The following PLEKHH1 variants were observed in gnomAD, a reference collection of about 807,000 sequenced individuals.
The protein encoded by PLEKHH1 is pleckstrin homology, MyTH4 and FERM domain containing H1.
In PLEKHH1, 104 loss-of-function variants were observed where a neutral mutation model predicts 160.0. The ratio of observed to expected loss-of-function variants is 0.65; its 90% CI spans 0.55 to 0.76. PLEKHH1 has a LOEUF of 0.76. PLEKHH1 is among the 30% of genes least tolerant of loss of function. The pLI is 0.00. For synonymous variants in PLEKHH1, 619 were observed against 678.4 expected (o/e 0.91, Z 1.36); for missense variants, 1,427 against 1,724.1 (o/e 0.83, Z 3.05).
chr14:67,570,861 C>G (rs2035338688), intron 9 of PLEKHH1: 1 of 152,248 alleles, frequency 6.6e-6, no homozygotes, highest in African/African-American at 2.4e-5. Context: ...ATAGCTGGAA[C>G]TACAGGCGCG....
At chr14:67,575,369 G>T in intron 14 of PLEKHH1, 23 bp from the exon 15 acceptor site, 1 of 1,474,282 alleles carries the variant, frequency 6.8e-7, no homozygotes, top group South Asian at 1.2e-5. Flanking sequence ...TTCTCATAAT[G>T]CCAGTTCATT....
At chr14:67,572,438 A>T (rs1181586855) in intron 11 of PLEKHH1, among the ~76,000 whole-genome samples, 161 bp downstream of exon 11, 1 of 152,040 alleles carries the variant, frequency 6.6e-6, no homozygotes, top group Non-Finnish European at 1.5e-5. Flanking sequence ...ACAGTTATGG[A>T]GTCAGACACA....
rs147895150 is a variant in PLEKHH1, at chr14:67,546,696, C to T, written c.126+4703C>T. On this transcript the variant is annotated intron_variant, in intron 2 of 28. Transcript: ENST00000329153. ...TGAGCCACCGTGCCCAGGCAGCAGA[C>T]ACATGTTTTTAAAAAATTATTCTCA... is the stretch of plus-strand genomic sequence containing the variant. Among the ~76,000 whole-genome samples the T allele has an allele frequency of 4.4e-3, 674 of 152,246 alleles. 18 individuals carry two copies. In the East Asian group the frequency reaches 0.062, roughly 14 times the overall value.
chr14:67,584,110 CTT>C lies in PLEKHH1; in HGVS notation c.3689_3690del (p.Phe1230CysfsTer21). 3.7e-6 allele frequency: 6 copies of C among 1,613,548 alleles called. No individual in the cohort carries two copies. Among genetic ancestry groups the C allele is most frequent in the Non-Finnish European group, 5.1e-6 (6 of 1,179,866 alleles). On this transcript the variant is annotated frameshift_variant, in exon 26 of 29. Transcript: ENST00000329153. LOFTEE classifies it high-confidence loss of function. ...ARKWPFFGAK[L>X]FAAQPAQLSS... ...GAAATGGCCTTTCTTTGGTGCTAAA[CTT>C]TTTGCTGCTCAGGTAAGTGCCAGTG...
At position 67,584,064 on chromosome 14, in the gene PLEKHH1, C is replaced by T; in HGVS notation, c.3639C>T (p.Arg1213=). The T allele has an allele frequency of 6.2e-7, 1 of 1,613,978 alleles. No individual in the cohort carries two copies. Among genetic ancestry groups the T allele is most frequent in the Non-Finnish European group, 8.5e-7 (1 of 1,179,842 alleles). Residue 1213 remains arginine (R), a synonymous_variant, in exon 26 of 29, where the codon CGC becomes CGT. Coordinates refer to ENST00000329153, the MANE Select transcript of PLEKHH1 (RefSeq NM_020715.3). ...GATGCTCCCCTCCTGAGTGCATCCG[C>T]ATCTACCTGACCGTGGCCAGGAAAT... ...LQGCSPPECI[R]IYLTVARKWP... is the part of the protein sequence containing the mutation.
rs1464747348 is a variant in PLEKHH1 at position 67,573,597 on chromosome 14, G to T, written c.1840-204G>T. Among the ~76,000 whole-genome samples, 1 of 152,196 alleles carries T rather than the reference G, an allele frequency of 6.6e-6. No individual in the cohort carries two copies. Among genetic ancestry groups the T allele is most frequent in the Non-Finnish European group, 1.5e-5 (1 of 68,038 alleles). ...GTGAGTTTCAGAATGAAATAGGGAG[G>T]TTCTCAGAAGGACCCATGTTCCTGA... On this transcript the variant is annotated intron_variant, in intron 12 of 28. Transcript: ENST00000329153. This position sits in a 1 kb window ranked among gnomAD's most constrained non-coding sequence, Gnocchi z 4.8.
intron 2 of PLEKHH1, among the ~76,000 whole-genome samples, chr14:67,544,495 A>G (rs2034100698): frequency 6.6e-6 from 1 of 152,252 alleles, no homozygotes. Context: ...ACTTGAGGAA[A>G]TAATCTACAA....
intron 11 of PLEKHH1, 32 bp downstream of exon 11, chr14:67,572,309 A>T: frequency 6.5e-7 from 1 of 1,539,862 alleles, no homozygotes. Flanking sequence ...GGCAGGGTGG[A>T]AGCAGAATGC....
chr14:67,583,990 A>C lies in PLEKHH1; in HGVS notation c.3570-5A>C, dbSNP rs760353097. 1.7e-5 allele frequency: 27 copies of C among 1,613,874 alleles called. No individual in the cohort carries two copies. Among genetic ancestry groups the C allele is most frequent in the Admixed American group, 5.0e-5 (3 of 60,004 alleles). On this transcript the variant is annotated splice_polypyrimidine_tract_variant and splice_region_variant and intron_variant, in intron 25 of 28. Coordinates refer to ENST00000329153, the MANE Select transcript of PLEKHH1 (RefSeq NM_020715.3). ...GCACTATTTCTCTCCATCTGCCCAC[A>C]CCAGGCACCTGGCAGATATGTTGAC...
intron 2 of PLEKHH1, among the ~76,000 whole-genome samples, chr14:67,545,759 T>C (rs1258467095): frequency 6.6e-6 from 1 of 152,190 alleles, no homozygotes; most frequent in Non-Finnish European, 1.5e-5. Flanking sequence ...GTAAGATCAG[T>C]AAATCTCAAA....
intron 2 of PLEKHH1, among the ~76,000 whole-genome samples, chr14:67,554,195 C>T (rs1424017599): frequency 6.6e-6 from 1 of 152,210 alleles, no homozygotes; most frequent in Non-Finnish European, 1.5e-5. Context: ...CTACTGCTTC[C>T]ATGTAACTTT....
In PLEKHH1 at chr14:67,569,176, GCT is replaced by G; in HGVS notation, c.1306_1307del (p.Ser436ArgfsTer7). The G allele has an allele frequency of 4.3e-6, 7 of 1,613,182 alleles. No homozygotes were observed. Among genetic ancestry groups the G allele is most frequent in the Non-Finnish European group, 5.9e-6 (7 of 1,179,322 alleles). ...ATGCTGTGGCCACATCGGGCATGCG[GCT>G]CTCAGATATGTCTCCCAGAAGTAAT... ...IYAVATSGMRLSDMSPRSNTA... is the reference protein window; with the variant it reads ...IYAVATSGMRXSDMSPRSNTA... On this transcript the variant is annotated frameshift_variant, in exon 8 of 29. Transcript: ENST00000329153. LOFTEE classifies it high-confidence loss of function.
chr14:67,587,441 G>T lies in PLEKHH1; in HGVS notation c.*206G>T. ...CAACTTTTTAAAATCCAGACCCAGT[G>T]TTAAAACCATTTATTCCTTTTTTCA... is the stretch of plus-strand genomic sequence containing the variant. On this transcript the variant is annotated 3_prime_UTR_variant, in exon 29 of 29. Coordinates refer to ENST00000329153, the MANE Select transcript of PLEKHH1 (RefSeq NM_020715.3). 2 of 609,774 alleles carry T rather than the reference G, an allele frequency of 3.3e-6. No individual in the cohort carries two copies. The highest frequency in any genetic ancestry group is 5.8e-6 in the Non-Finnish European group (2 of 345,290). The allele number at this position is 609,774 out of a possible 1,614,324, so 37.8% of individuals were successfully genotyped here. A position where few individuals can be genotyped will look rare whatever the true frequency, so the allele number is the denominator to read the frequency against.
chr14:67,568,009 C>T (rs930242278), intron 7 of PLEKHH1, among the ~76,000 whole-genome samples: 3 of 152,200 alleles, frequency 2.0e-5, no homozygotes, highest in South Asian at 2.1e-4. Context: ...CCCCTCAGGA[C>T]GGGCATTCTC....
chr14:67,568,548 T>C (rs2035218225), intron 7 of PLEKHH1, among the ~76,000 whole-genome samples: 1 of 151,692 alleles, frequency 6.6e-6, no homozygotes, highest in Admixed American at 6.6e-5. Context: ...ATGACACACG[T>C]TTACCTACAT....
chr14:67,546,198 G>A (rs2034171468), intron 2 of PLEKHH1, among the ~76,000 whole-genome samples: 2 of 152,102 alleles, frequency 1.3e-5, no homozygotes, highest in South Asian at 4.1e-4. Flanking sequence ...TCAACGCCGG[G>A]GGAAGGGGGT....
Position 67,562,938 on chromosome 14 carries a change from G to A in PLEKHH1, c.1263+44G>A, listed in dbSNP as rs753709343. On this transcript the variant is annotated intron_variant, in intron 7 of 28. Transcript: ENST00000329153. Reference sequence around the variant, plus strand: ...GCTGGGCAGAGGAGCAGAGCTAATGGCAAGAACACTGCTGGCTGAGCACAG... The same window carrying A: ...GCTGGGCAGAGGAGCAGAGCTAATGACAAGAACACTGCTGGCTGAGCACAG... The A allele has an allele frequency of 1.5e-5, 24 of 1,571,872 alleles. 1 individual carries two copies.
intron 7 of PLEKHH1, among the ~76,000 whole-genome samples, chr14:67,564,134 C>A (rs779184763): frequency 2.3e-4 from 35 of 152,102 alleles, no homozygotes; most frequent in Admixed American, 3.9e-4. Flanking sequence ...ATCTCCTGAC[C>A]TCGTGATCCG....
Position 67,578,405 on chromosome 14 carries a change from C to G in PLEKHH1, c.2752-129C>G. 2 of 810,864 alleles carry G rather than the reference C, an allele frequency of 2.5e-6. No individual in the cohort carries two copies. Among genetic ancestry groups the G allele is most frequent in the Admixed American group, 4.1e-5 (2 of 48,754 alleles). The allele number at this position is 810,864 out of a possible 1,614,324, so 50.2% of individuals were successfully genotyped here. A position where few individuals can be genotyped will look rare whatever the true frequency, so the allele number is the denominator to read the frequency against. ...ACACAGCCTGACCAAGTTGGCCATCCCAGCACCCAGAGCAAGTTGGGGGCT... is the reference window on the plus strand; with the variant it reads ...ACACAGCCTGACCAAGTTGGCCATCGCAGCACCCAGAGCAAGTTGGGGGCT... On this transcript the variant is annotated intron_variant, in intron 19 of 28. Coordinates refer to ENST00000329153, the MANE Select transcript of PLEKHH1 (RefSeq NM_020715.3). This position sits in a 1 kb window ranked among gnomAD's most constrained non-coding sequence, Gnocchi z 5.0.
Sources: allele counts gnomAD v4.1 joint callset (sites outside exome capture counted in the v4.1 genomes callset), GRCh38; gene constraint gnomAD v4.1.1; non-coding constraint Gnocchi (gnomAD v3.1); transcripts MANE v1.5; gene names NCBI Gene and HGNC (gene_info 2026-07-23, HGNC 2026-07-21).